Variants in ASTN2 observed in about 807,000 individuals in gnomAD.
ASTN2 encodes the protein astrotactin 2, also known as astrotactin-2.
ASTN2 carries 54 observed loss-of-function variants against 139.8 expected under a neutral mutation model. That is an observed-to-expected ratio of 0.39 (90% CI 0.31 to 0.48). The LOEUF is 0.48. Ranked by LOEUF, ASTN2 falls within the 20% of genes least tolerant of loss-of-function variation. The probability of loss-of-function intolerance (pLI) is 0.95; values close to 1 mark genes in which losing one functional copy is unlikely to be tolerated. For missense variants in ASTN2, 1,565 were observed against 1,725.1 expected (o/e 0.91, Z 1.64); for synonymous variants, 756 against 719.5 (o/e 1.05, Z -0.81).
intron 3 of ASTN2, among the ~76,000 whole-genome samples, chr9:117,194,769 G>C (rs144930036): frequency 3.7e-4 from 56 of 152,280 alleles, no homozygotes; most frequent in African/African-American, 1.2e-3. Context: ...TCCATTATTT[G>C]TAGTTGTATA....
intron 10 of ASTN2, among the ~76,000 whole-genome samples, chr9:116,875,730 G>A (rs4333683): frequency 0.84 from 127,607 of 152,202 alleles, 54,233 homozygotes; most frequent in Non-Finnish European, 0.92. Flanking sequence ...GCCAATACTA[G>A]TTTACCATTA....
intron 13 of ASTN2, among the ~76,000 whole-genome samples, chr9:116,788,655 C>T (rs1457865690): frequency 2.0e-5 from 3 of 151,966 alleles, no homozygotes; most frequent in Non-Finnish European, 2.9e-5. Flanking sequence ...TCTCAGTAGT[C>T]GCAGAAATTG....
intron 5 of ASTN2, among the ~76,000 whole-genome samples, chr9:117,072,637 ATC>A (rs1828166248): frequency 6.6e-6 from 1 of 152,190 alleles, no homozygotes; most frequent in Non-Finnish European, 1.5e-5. Context: ...AGGGGCCCTG[ATC>A]TCATGGATCT....
At chr9:116,579,613 G>C (rs1185823281) in intron 19 of ASTN2, among the ~76,000 whole-genome samples, 2 of 152,146 alleles carry the variant, frequency 1.3e-5, no homozygotes, top group African/African-American at 4.8e-5. Flanking sequence ...AGGCGCAATG[G>C]TACATGCCTG....
intron 13 of ASTN2, among the ~76,000 whole-genome samples, chr9:116,775,041 G>C (rs1830044868): frequency 6.6e-6 from 1 of 152,146 alleles, no homozygotes; most frequent in Non-Finnish European, 1.5e-5. Context: ...AGCCACTGTG[G>C]CTGAGTCACT....
intron 2 of ASTN2, among the ~76,000 whole-genome samples, chr9:117,285,133 C>G (rs1246694285): frequency 6.6e-6 from 1 of 152,152 alleles, no homozygotes; most frequent in Non-Finnish European, 1.5e-5. Flanking sequence ...CAAAAATAAA[C>G]ACAATATTTC....
At chr9:117,317,395 C>A (rs1467589064) in intron 1 of ASTN2, among the ~76,000 whole-genome samples, 1 of 152,114 alleles carries the variant, frequency 6.6e-6, no homozygotes, top group Non-Finnish European at 1.5e-5. Flanking sequence ...AGATATTATT[C>A]TGTGCTGAGT....
At chr9:117,318,472 T>C (rs980464588) in intron 1 of ASTN2, among the ~76,000 whole-genome samples, 36 of 152,196 alleles carry the variant, frequency 2.4e-4, no homozygotes, top group African/African-American at 8.2e-4. Flanking sequence ...GCTTTTCTTC[T>C]TCCTGGCTTG....
intron 10 of ASTN2, among the ~76,000 whole-genome samples, chr9:116,867,540 ACT>A (rs1428113365): frequency 1.7e-5 from 2 of 119,952 alleles, no homozygotes; most frequent in African/African-American, 6.7e-5. Flanking sequence ...ACAGAGCGAG[ACT>A]CTGTCTCAAA....
chr9:117,043,170 C>T (rs1038607821), intron 5 of ASTN2, among the ~76,000 whole-genome samples: 9 of 152,220 alleles, frequency 5.9e-5, no homozygotes, highest in Admixed American at 5.9e-4. Flanking sequence ...CATGCCTGGC[C>T]AGCATTGAGT....
At chr9:116,917,636 G>T (rs928206305) in intron 10 of ASTN2, among the ~76,000 whole-genome samples, 1 of 152,180 alleles carries the variant, frequency 6.6e-6, no homozygotes, top group Non-Finnish European at 1.5e-5. Context: ...GCCATGTTCT[G>T]GTCCCCAGAG....
intron 16 of ASTN2, among the ~76,000 whole-genome samples, chr9:116,671,694 TA>T (rs34219976): frequency 0.52 from 79,326 of 151,790 alleles, 21,852 homozygotes; most frequent in East Asian, 0.87. Flanking sequence ...TTGCTGGCTT[TA>T]AAAAAAACCA....
chr9:116,543,215 G>A (rs1262268157), intron 19 of ASTN2, among the ~76,000 whole-genome samples: 1 of 151,192 alleles, frequency 6.6e-6, no homozygotes, highest in Non-Finnish European at 1.5e-5. Flanking sequence ...GATTGCTTGA[G>A]CTCAGGAGTT....
At chr9:116,792,283 T>G (rs975493244) in intron 13 of ASTN2, among the ~76,000 whole-genome samples, 4 of 152,186 alleles carry the variant, frequency 2.6e-5, no homozygotes, top group African/African-American at 4.8e-5. Context: ...GTTTCAGCGC[T>G]TAAGAATAAT....
chr9:117,063,668 C>T (rs572358834), intron 5 of ASTN2, among the ~76,000 whole-genome samples: 5 of 152,238 alleles, frequency 3.3e-5, no homozygotes, highest in African/African-American at 9.6e-5. Flanking sequence ...TATTGCAATG[C>T]TTTTAGTCCA....
chr9:117,365,675 A>G (rs1829824940), intron 1 of ASTN2, among the ~76,000 whole-genome samples: 1 of 152,166 alleles, frequency 6.6e-6, no homozygotes. Context: ...TGTACCCATA[A>G]AGGAGAGGAA....
Position 116,900,476 on chromosome 9 carries a change from G to T in ASTN2, c.1890-36743C>A, listed in dbSNP as rs973340710. On this transcript the variant is annotated intron_variant, in intron 10 of 22. Transcript: ENST00000313400. ...CTGTGATATGTAATTTGTAGAGAGA[G>T]AAATCATTTTGAGGATTTTTTCTTA... Among the ~76,000 whole-genome samples, 8 of 152,268 alleles carry T rather than the reference G, an allele frequency of 5.3e-5. No individual in the cohort carries two copies. The South Asian group carries it at 1.5e-3, about 28-fold the overall frequency.
At chr9:117,066,273 G>T (rs1465995263) in intron 5 of ASTN2, among the ~76,000 whole-genome samples, 1 of 143,234 alleles carries the variant, frequency 7.0e-6, no homozygotes, top group Non-Finnish European at 1.5e-5. Context: ...GCGGTGTTTG[G>T]TTTTTTGTTC....
chr9:116,653,177 C>T (rs944654917), intron 16 of ASTN2, among the ~76,000 whole-genome samples: 4 of 152,172 alleles, frequency 2.6e-5, no homozygotes, highest in African/African-American at 9.7e-5. Context: ...TGATACTCAG[C>T]CAGAGAGATT....
Sources: gnomAD v4.1 joint callset for allele counts (sites outside exome capture counted in the v4.1 genomes callset) on GRCh38, gnomAD v4.1.1 for gene constraint, MANE v1.5 for transcripts, NCBI Gene and HGNC (gene_info 2026-07-23, HGNC 2026-07-21) for gene names.